The following SPATA13 variants were observed in gnomAD, a reference collection of about 807,000 sequenced individuals.
SPATA13 encodes spermatogenesis associated 13, also known as spermatogenesis-associated protein 13.
A neutral mutation model predicts 104.0 loss-of-function variants in SPATA13; 50 were observed. The ratio of observed to expected loss-of-function variants is 0.48; its 90% confidence interval spans 0.38 to 0.61. SPATA13 has a LOEUF of 0.61. SPATA13 is among the 20% of genes least tolerant of loss of function. The pLI is 0.00. For synonymous variants in SPATA13, 606 were observed against 667.5 expected (o/e 0.91, Z 1.42); for missense variants, 1,524 against 1,690.6 (o/e 0.90, Z 1.73).
At chr13:24,184,125 G>T (rs1175256993) in intron 1 of SPATA13, among the ~76,000 whole-genome samples, 5 of 152,160 alleles carry the variant, frequency 3.3e-5, no homozygotes, top group African/African-American at 4.8e-5. Flanking sequence ...CTTACCTGTG[G>T]CATCTGTTGA....
intron 4 of SPATA13, 147 bp downstream of exon 4, chr13:24,252,009 G>C: frequency 1.9e-6 from 2 of 1,025,782 alleles, no homozygotes; most frequent in Non-Finnish European, 2.8e-6. Flanking sequence ...CATCTCAGGA[G>C]AATGGTGCAT....
At chr13:24,005,583 A>C (rs1024509715) in intron 2 of SPATA13, among the ~76,000 whole-genome samples, 1 of 147,804 alleles carries the variant, frequency 6.8e-6, no homozygotes, top group Admixed American at 6.8e-5. Context: ...AAAGGGATGA[A>C]CTCCTGAATT....
chr13:24,204,597 C>A (rs780924161), intron 1 of SPATA13, among the ~76,000 whole-genome samples: 32 of 152,112 alleles, frequency 2.1e-4, no homozygotes, highest in Non-Finnish European at 4.7e-4. Context: ...AGCAACAGCT[C>A]CCATTTCTCC....
chr13:24,121,507 C>T (rs936487757), intron 3 of SPATA13, among the ~76,000 whole-genome samples: 19 of 151,882 alleles, frequency 1.3e-4, no homozygotes, highest in African/African-American at 3.4e-4. Context: ...CAATAAATGA[C>T]CAATAATCTA....
intron 1 of SPATA13, among the ~76,000 whole-genome samples, chr13:24,186,787 C>G (rs765834569): frequency 7.2e-5 from 11 of 152,066 alleles, no homozygotes; most frequent in Non-Finnish European, 1.6e-4. Context: ...GGCGGTTGAT[C>G]AAGTTGAAGA....
At chr13:24,231,176 A>G (rs534462584) in intron 2 of SPATA13, among the ~76,000 whole-genome samples, 53 of 152,082 alleles carry the variant, frequency 3.5e-4, no homozygotes, top group Non-Finnish European at 5.0e-4. Context: ...TGATTTTTAT[A>G]TGTTTATGGA....
chr13:24,289,436 T>TG (rs1566196029), intron 8 of SPATA13, among the ~76,000 whole-genome samples: 1 of 152,240 alleles, frequency 6.6e-6, no homozygotes, highest in African/African-American at 2.4e-5. Flanking sequence ...TTTGGAGTAA[T>TG]TACTTTTTAA....
intron 1 of SPATA13, among the ~76,000 whole-genome samples, chr13:24,192,475 A>G (rs969949072): frequency 2.0e-5 from 3 of 152,024 alleles, no homozygotes; most frequent in Non-Finnish European, 4.4e-5. Context: ...CCGCTGAAAC[A>G]GCGTCTTCCT....
chr13:24,085,424 G>A (rs1184490668), intron 3 of SPATA13, among the ~76,000 whole-genome samples: 1 of 152,172 alleles, frequency 6.6e-6, no homozygotes, highest in African/African-American at 2.4e-5. Flanking sequence ...ACCGCGTCCA[G>A]CTTCTGCCTG....
intron 3 of SPATA13, among the ~76,000 whole-genome samples, chr13:24,105,697 C>G (rs558611432): frequency 6.6e-6 from 1 of 152,110 alleles, no homozygotes; most frequent in Non-Finnish European, 1.5e-5. Flanking sequence ...TTGTGTCCCC[C>G]CTAACATTCA....
intron 2 of SPATA13, among the ~76,000 whole-genome samples, chr13:24,013,581 C>T (rs1876575057): frequency 6.6e-6 from 1 of 152,156 alleles, no homozygotes; most frequent in African/African-American, 2.4e-5. Context: ...TGAATTCTTC[C>T]AAGATCTTAT....
chr13:24,062,584 C>T (rs1191166745), intron 3 of SPATA13, among the ~76,000 whole-genome samples: 1 of 152,242 alleles, frequency 6.6e-6, no homozygotes, highest in Middle Eastern at 3.4e-3. Flanking sequence ...ACGAAGGAGC[C>T]TCCATCCAGT....
intron 3 of SPATA13, among the ~76,000 whole-genome samples, chr13:24,132,994 A>C (rs1238822941): frequency 2.6e-5 from 4 of 152,168 alleles, no homozygotes; most frequent in African/African-American, 9.7e-5. Context: ...ACAAACAAAC[A>C]AAAACAAGTC....
intron 3 of SPATA13, chr13:24,122,448 A>G: frequency 6.2e-7 from 1 of 1,603,854 alleles, no homozygotes; most frequent in Non-Finnish European, 8.5e-7. Context: ...CATCGTCTCC[A>G]TCTTCACCAG....
At position 24,284,119 on chromosome 13, in the gene SPATA13, GT is replaced by G. The variant is rs769255293; in HGVS notation, c.2165-12del. 4.4e-6 allele frequency: 7 copies of G among 1,595,832 alleles called. No homozygotes were observed. The African/African-American group carries it at 8.1e-5, about 18-fold the overall frequency. The stretch of plus-strand genomic sequence containing the variant: ...GCTGTGTCTTTTAAATCATGCCTTT[GT>G]TTTGTATGTTTTAGTTTCTTCAGAT... On this transcript the variant is annotated splice_polypyrimidine_tract_variant and intron_variant, in intron 4 of 12. Coordinates refer to ENST00000382108, the MANE Select transcript of SPATA13 (RefSeq NM_001166271.3).
At chr13:24,228,738 G>T (rs1008588244) in intron 2 of SPATA13, among the ~76,000 whole-genome samples, 1 of 151,994 alleles carries the variant, frequency 6.6e-6, no homozygotes, top group Non-Finnish European at 1.5e-5. Context: ...TAACAGTAAG[G>T]TTCTACTTAC....
intron 2 of SPATA13, 103 bp downstream of exon 2, chr13:24,224,685 T>A: frequency 8.3e-7 from 1 of 1,207,354 alleles, no homozygotes; most frequent in Non-Finnish European, 1.2e-6. Flanking sequence ...TCAGTGGCCC[T>A]CTGCTGACCT....
At chr13:23,989,392 A>G (rs1593260112) in intron 2 of SPATA13, among the ~76,000 whole-genome samples, 1 of 152,150 alleles carries the variant, frequency 6.6e-6, no homozygotes, top group East Asian at 1.9e-4. Context: ...ACTGCACTCC[A>G]GCCTGGGTGA....
At chr13:24,013,293 CT>C (rs1876563761) in intron 2 of SPATA13, among the ~76,000 whole-genome samples, 1 of 152,206 alleles carries the variant, frequency 6.6e-6, no homozygotes, top group African/African-American at 2.4e-5. Flanking sequence ...AGCACCCTGG[CT>C]TCCACAGCAT....
Sources: allele counts gnomAD v4.1 joint callset (sites outside exome capture counted in the v4.1 genomes callset), GRCh38; gene constraint gnomAD v4.1.1; transcripts MANE v1.5; gene names NCBI Gene and HGNC (gene_info 2026-07-23, HGNC 2026-07-21).